Variants in CEP192 observed in about 807,000 individuals in gnomAD.
The protein encoded by CEP192 is centrosomal protein of 192 kDa.
In CEP192, 151 loss-of-function variants were observed where a neutral mutation model predicts 271.8. The observed-to-expected ratio is 0.56, with a 90% CI of 0.49 to 0.64. The LOEUF is 0.64. CEP192 is among the 30% of genes least tolerant of loss of function. CEP192 has a pLI of 0.00. For synonymous variants in CEP192, 995 were observed against 1,076.5 expected, an observed-to-expected ratio of 0.92 and a Z score of 1.48; for missense variants, 2,910 against 3,020.5, an observed-to-expected ratio of 0.96 and a Z score of 0.86.
At position 13,088,914 on chromosome 18, in the gene CEP192, TG is replaced by T. The variant is rs1365867834; in HGVS notation, c.5994-541del. The T allele has an allele frequency of 2.7e-5, 12 of 447,090 alleles. No individual in the cohort carries two copies. In the East Asian group the frequency reaches 3.5e-4, roughly 13 times the overall value. 27.7% of individuals were successfully genotyped at this position (447,090 alleles called of 1,614,324 possible). On this transcript the variant is annotated intron_variant, in intron 32 of 44. Coordinates refer to ENST00000506447, the MANE Select transcript of CEP192 (RefSeq NM_032142.4). ...GAAATCACATTATGAGGTATTCTGA[TG>T]TTTTTTTTTCTCTCAATTGGGATAT...
At chr18:13,042,954 G>C (rs143397118) in intron 15 of CEP192, among the ~76,000 whole-genome samples, 1 of 152,164 alleles carries the variant, frequency 6.6e-6, no homozygotes, top group Non-Finnish European at 1.5e-5. Context: ...TGTGTATGTC[G>C]TAGGGTTTGC....
intron 7 of CEP192, among the ~76,000 whole-genome samples, 197 bp from the exon 8 acceptor site, chr18:13,018,283 C>T (rs947545958): frequency 8.5e-5 from 13 of 152,116 alleles, no homozygotes; most frequent in Admixed American, 3.3e-4. Flanking sequence ...TCTTATTCCC[C>T]GGCAACTCTT....
chr18:13,082,504 C>A (rs1037193356), intron 30 of CEP192, among the ~76,000 whole-genome samples: 1 of 138,574 alleles, frequency 7.2e-6, no homozygotes, highest in Non-Finnish European at 1.5e-5. Context: ...TTATTTTGAG[C>A]CTATGTGTGT....
chr18:13,122,832 C>CGTGT (rs59158168), intron 44 of CEP192, among the ~76,000 whole-genome samples: 2,220 of 150,442 alleles, frequency 0.015, 52 homozygotes, highest in African/African-American at 0.048. Flanking sequence ...TACCTTTTCC[C>CGTGT]GTGTGTGTGT....
chr18:13,040,894 C>T lies in CEP192; in HGVS notation c.1874C>T (p.Ser625Phe). Residue 625 changes from serine to phenylalanine, a missense_variant, in exon 14 of 45, where the codon TCT becomes TTT. Physicochemically the swap from Ser to Phe is radical, Grantham distance 155. Transcript: ENST00000506447. ...GAACCTATTGCCTTAATAAGAAAAT[C>T]TGATGTATCAAGAGGTAATTTGGAA... ...KREPIALIRK[S>F]DVSRGNLEKE... 6.2e-7 allele frequency: 1 copy of T among 1,606,756 alleles called. No individual in the cohort carries two copies. Among genetic ancestry groups the T allele is most frequent in the Non-Finnish European group, 8.5e-7 (1 of 1,173,998 alleles).
At chr18:12,998,810 G>A (rs1404347869) in intron 1 of CEP192, among the ~76,000 whole-genome samples, 1 of 152,116 alleles carries the variant, frequency 6.6e-6, no homozygotes, top group African/African-American at 2.4e-5. Flanking sequence ...AGAGCACCGT[G>A]GTCAGGTTCT....
chr18:13,011,908 CA>C (rs1432683753), intron 4 of CEP192, among the ~76,000 whole-genome samples: 3 of 152,316 alleles, frequency 2.0e-5, no homozygotes, highest in African/African-American at 7.2e-5. Context: ...AGATGTTAAT[CA>C]ACTGATGAAT....
chr18:13,087,422 A>C, intron 31 of CEP192, 109 bp from the exon 32 acceptor site: 1 of 918,654 alleles, frequency 1.1e-6, no homozygotes, highest in Non-Finnish European at 1.6e-6. Flanking sequence ...TGCCATGCGT[A>C]TGCACTTGTG....
chr18:13,078,018 G>A (rs1407664887), intron 30 of CEP192, among the ~76,000 whole-genome samples: 1 of 152,114 alleles, frequency 6.6e-6, no homozygotes, highest in Non-Finnish European at 1.5e-5. Flanking sequence ...CACGTGCCAT[G>A]GTGGTTTGCT....
intron 11 of CEP192, among the ~76,000 whole-genome samples, chr18:13,035,059 G>T (rs999565056): frequency 1.3e-5 from 2 of 152,128 alleles, no homozygotes; most frequent in African/African-American, 4.8e-5. Context: ...AAAAAGTGAA[G>T]TTCTGCTTTC....
intron 1 of CEP192, among the ~76,000 whole-genome samples, chr18:12,993,121 C>G (rs2032980000): frequency 6.6e-6 from 1 of 152,084 alleles, no homozygotes; most frequent in Non-Finnish European, 1.5e-5. Context: ...GGTCTCAGCT[C>G]CAGAAGTGTA....
intron 11 of CEP192, among the ~76,000 whole-genome samples, chr18:13,033,041 T>TTGGGTAC (rs1568310248): frequency 1.3e-5 from 2 of 152,180 alleles, no homozygotes; most frequent in Non-Finnish European, 2.9e-5. Flanking sequence ...CTCGGGTGGT[T>TTGGGTAC]TGGGTACTGG....
intron 9 of CEP192, among the ~76,000 whole-genome samples, chr18:13,021,271 T>C (rs1259166964): frequency 2.0e-5 from 3 of 152,190 alleles, no homozygotes; most frequent in African/African-American, 4.8e-5. Context: ...GTTGATTTGT[T>C]TCGAGTTTAT....
At chr18:13,005,566 GT>G (rs1320321684) in intron 3 of CEP192, among the ~76,000 whole-genome samples, 1 of 152,210 alleles carries the variant, frequency 6.6e-6, no homozygotes, top group African/African-American at 2.4e-5. Context: ...GTTGGTCCTT[GT>G]TGATGGAAGA....
intron 8 of CEP192, 51 bp downstream of exon 8, chr18:13,018,666 A>G: frequency 7.8e-7 from 1 of 1,275,248 alleles, no homozygotes; most frequent in South Asian, 1.7e-5. Flanking sequence ...TTTTGACTTT[A>G]CTTTTTTTAA....
In CEP192 at chr18:13,038,361, T is replaced by C; in HGVS notation, c.1600-9T>C. On this transcript the variant is annotated splice_polypyrimidine_tract_variant and intron_variant, in intron 12 of 44. Coordinates refer to ENST00000506447, the MANE Select transcript of CEP192 (RefSeq NM_032142.4). ...GGGGAAAGAAACGAAACAATAACTT[T>C]CTCCCTAGGAAGAAAACATAGATGC... 6.5e-7 allele frequency: 1 copy of C among 1,547,794 alleles called. No homozygotes were observed. The highest frequency in any genetic ancestry group is 8.7e-7 in the Non-Finnish European group (1 of 1,143,640).
At chr18:13,030,282 G>A (rs976228238) in intron 10 of CEP192, among the ~76,000 whole-genome samples, 183 bp from the exon 11 acceptor site, 1 of 152,056 alleles carries the variant, frequency 6.6e-6, no homozygotes, top group Non-Finnish European at 1.5e-5. Context: ...AGGCTGGCTT[G>A]CTTTCTATCA....
At chr18:13,088,463 A>G (rs983343586) in intron 32 of CEP192, among the ~76,000 whole-genome samples, 2 of 152,200 alleles carry the variant, frequency 1.3e-5, no homozygotes, top group African/African-American at 4.8e-5. Context: ...ACATACATAC[A>G]TAAATAATTT....
At chr18:13,069,309 T>A in intron 26 of CEP192, 128 bp downstream of exon 26, 1 of 741,948 alleles carries the variant, frequency 1.3e-6, no homozygotes, top group Non-Finnish European at 2.3e-6. Flanking sequence ...AAAGAATCGC[T>A]GAGAGTTTTT....
Sources: allele counts gnomAD v4.1 joint callset (sites outside exome capture counted in the v4.1 genomes callset), GRCh38; gene constraint gnomAD v4.1.1; transcripts MANE v1.5; gene names NCBI Gene and HGNC (gene_info 2026-07-23, HGNC 2026-07-21).